CCDC93: variants seen among roughly 807,000 people sequenced by gnomAD.
CCDC93 encodes the protein coiled-coil domain-containing protein 93.
In CCDC93, 61 loss-of-function variants were observed where a neutral mutation model predicts 108.2. That is an observed-to-expected ratio of 0.56 (90% CI 0.46 to 0.70). CCDC93 has a LOEUF of 0.70. Among genes scored for constraint, CCDC93 ranks in the 30% least tolerant of loss-of-function variants. The pLI, the probability that CCDC93 is intolerant of heterozygous loss-of-function variation, is 0.00. For missense variants in CCDC93, 685 were observed against 764.2 expected, an observed-to-expected ratio of 0.90 and a Z score of 1.22; for synonymous variants, 276 against 260.4, an observed-to-expected ratio of 1.06 and a Z score of -0.58.
At chr2:118,011,935 C>A (rs543088697) in intron 1 of CCDC93, among the ~76,000 whole-genome samples, 1 of 152,328 alleles carries the variant, frequency 6.6e-6, no homozygotes, top group Admixed American at 6.5e-5. Flanking sequence ...AAGACCCTCT[C>A]TTGAAGCAAT....
chr2:117,978,959 GA>G (rs1181679900), intron 7 of CCDC93, among the ~76,000 whole-genome samples: 1 of 152,184 alleles, frequency 6.6e-6, no homozygotes, highest in African/African-American at 2.4e-5. Context: ...AGTGAGCCGA[GA>G]TCATAGCACT....
chr2:117,951,371 G>A, intron 13 of CCDC93: 1 of 985,350 alleles, frequency 1.0e-6, no homozygotes, highest in Non-Finnish European at 1.2e-6. Flanking sequence ...TGACATTCAT[G>A]TGCCTGCCCT....
intron 23 of CCDC93, among the ~76,000 whole-genome samples, chr2:117,928,819 A>G (rs1678217831): frequency 6.6e-6 from 1 of 152,244 alleles, no homozygotes; most frequent in East Asian, 1.9e-4. Flanking sequence ...ACGTATGTTT[A>G]TTGCAGCACT....
At chr2:118,008,800 G>T (rs984207733) in intron 1 of CCDC93, 142 bp from the exon 2 acceptor site, 6 of 615,626 alleles carry the variant, frequency 9.7e-6, no homozygotes, top group Non-Finnish European at 1.7e-5. Context: ...TGAAAATTCA[G>T]CAAGTGTCAC....
intron 11 of CCDC93, among the ~76,000 whole-genome samples, chr2:117,965,816 G>C (rs1168299358): frequency 6.6e-6 from 1 of 151,778 alleles, no homozygotes; most frequent in Non-Finnish European, 1.5e-5. Flanking sequence ...TTTGCTGAAA[G>C]AAGAAATATA....
intron 12 of CCDC93, among the ~76,000 whole-genome samples, chr2:117,956,642 T>G (rs541203688): frequency 6.6e-6 from 1 of 152,162 alleles, no homozygotes; most frequent in Non-Finnish European, 1.5e-5. Flanking sequence ...ACTGTCTGAG[T>G]TGACAACTCA....
At chr2:117,932,389 A>T (rs765753802) in intron 22 of CCDC93, among the ~76,000 whole-genome samples, 23 of 152,278 alleles carry the variant, frequency 1.5e-4, no homozygotes, top group Admixed American at 2.6e-4. Context: ...TTCCCTCCAC[A>T]CTATAGGCTT....
rs371637691 is a variant in CCDC93 at position 117,922,696 on chromosome 2, G to C, written c.1843-2300C>G. Among the ~76,000 whole-genome samples, 151 of 152,346 alleles carry C rather than the reference G, an allele frequency of 9.9e-4. 3 individuals are homozygous for C. The South Asian group carries it at 0.028, about 28-fold the overall frequency. On this transcript the variant is annotated intron_variant, in intron 23 of 23. Coordinates refer to ENST00000376300, the MANE Select transcript of CCDC93 (RefSeq NM_019044.5). ...TACAAGTGCTTGGGCCCAGGATGCAGTGAGAATTCAGAACGCAGAAGTAGA... is the reference window on the plus strand; with the variant it reads ...TACAAGTGCTTGGGCCCAGGATGCACTGAGAATTCAGAACGCAGAAGTAGA...
chr2:117,950,191 G>C (rs551536036), intron 13 of CCDC93: 1 of 985,146 alleles, frequency 1.0e-6, no homozygotes, highest in Non-Finnish European at 1.2e-6. Flanking sequence ...GTGGTAACCC[G>C]AAATTTTAAA....
intron 12 of CCDC93, among the ~76,000 whole-genome samples, chr2:117,953,907 T>C (rs1679138990): frequency 1.3e-5 from 2 of 151,666 alleles, no homozygotes; most frequent in Non-Finnish European, 2.9e-5. Context: ...AAAATGAAAA[T>C]AAAAGAGGCT....
At chr2:118,005,316 G>T (rs1351279311) in intron 3 of CCDC93, among the ~76,000 whole-genome samples, 1 of 152,174 alleles carries the variant, frequency 6.6e-6, no homozygotes, top group Non-Finnish European at 1.5e-5. Context: ...TGGGATCCAA[G>T]AAATGGTAAA....
intron 6 of CCDC93, among the ~76,000 whole-genome samples, chr2:117,990,534 C>T (rs1680445352): frequency 6.6e-6 from 1 of 151,984 alleles, no homozygotes; most frequent in Non-Finnish European, 1.5e-5. Flanking sequence ...TAGGTATAAT[C>T]TTGACCAATT....
intron 12 of CCDC93, among the ~76,000 whole-genome samples, chr2:117,953,002 C>T (rs1198226710): frequency 6.6e-6 from 1 of 152,212 alleles, no homozygotes; most frequent in Non-Finnish European, 1.5e-5. Flanking sequence ...AAACTCACAT[C>T]TTGAAAAAGT....
chr2:117,970,703 A>G (rs1407748790), intron 11 of CCDC93, among the ~76,000 whole-genome samples: 2 of 152,242 alleles, frequency 1.3e-5, no homozygotes, highest in Non-Finnish European at 2.9e-5. Flanking sequence ...GTTACATGGT[A>G]CTGGATGAGT....
chr2:117,928,551 C>T (rs953644115), intron 23 of CCDC93, among the ~76,000 whole-genome samples: 1 of 152,130 alleles, frequency 6.6e-6, no homozygotes, highest in African/African-American at 2.4e-5. Context: ...AAATCAAAAC[C>T]ACAATGAGAT....
intron 8 of CCDC93, among the ~76,000 whole-genome samples, chr2:117,976,878 T>C (rs1196389654): frequency 6.8e-6 from 1 of 147,888 alleles, no homozygotes; most frequent in Non-Finnish European, 1.5e-5. Context: ...GGGGAGTGTG[T>C]CCTGTTCAAG....
At chr2:117,935,698 T>A in intron 21 of CCDC93, 119 bp from the exon 22 acceptor site, 2 of 668,986 alleles carry the variant, frequency 3.0e-6, no homozygotes, top group South Asian at 4.6e-5. Flanking sequence ...CAGGTCTTTG[T>A]AACGCACAGT....
chr2:118,002,771 C>T (rs977532101), intron 3 of CCDC93, among the ~76,000 whole-genome samples: 10 of 152,116 alleles, frequency 6.6e-5, no homozygotes, highest in African/African-American at 2.4e-4. Flanking sequence ...GGCATGGTAG[C>T]TCATGCATGT....
intron 8 of CCDC93, among the ~76,000 whole-genome samples, chr2:117,975,559 T>C (rs1192538662): frequency 6.6e-6 from 1 of 152,208 alleles, no homozygotes; most frequent in Non-Finnish European, 1.5e-5. Context: ...GCACTTTGAC[T>C]GGGGCTTCCC....
Sources: gnomAD v4.1 joint callset for allele counts (sites outside exome capture counted in the v4.1 genomes callset) on GRCh38, gnomAD v4.1.1 for gene constraint, MANE v1.5 for transcripts, NCBI Gene and HGNC (gene_info 2026-07-23, HGNC 2026-07-21) for gene names.